Variants in RTEL1 observed in about 807,000 individuals in gnomAD.
The protein encoded by RTEL1 is regulator of telomere elongation helicase 1.
Under a neutral mutation model 162.2 loss-of-function variants are expected in RTEL1, and 86 were observed. The ratio of observed to expected loss-of-function variants is 0.53; its 90% CI spans 0.45 to 0.63. RTEL1 has a LOEUF of 0.63. Ranked by LOEUF, RTEL1 falls within the 30% of genes least tolerant of loss-of-function variation. The probability of loss-of-function intolerance (pLI) is 0.00; values close to 1 mark genes in which losing one functional copy is unlikely to be tolerated. For missense variants in RTEL1, 1,941 were observed against 1,750.2 expected, an observed-to-expected ratio of 1.11 and a Z score of -1.95; for synonymous variants, 958 against 717.9, an observed-to-expected ratio of 1.33 and a Z score of -5.35.
chr20:63,678,870 C>T (rs1451910543), intron 12 of RTEL1, among the ~76,000 whole-genome samples: 1 of 148,654 alleles, frequency 6.7e-6, no homozygotes, highest in East Asian at 2.0e-4. Flanking sequence ...CAGACTCTCC[C>T]ACGGAACAGC....
intron 14 of RTEL1, chr20:63,682,146 C>G: frequency 1.0e-6 from 1 of 985,476 alleles, no homozygotes; most frequent in Non-Finnish European, 1.2e-6. Flanking sequence ...GAAGTCTCCT[C>G]CACACTATGG....
rs1397041719 is a variant in RTEL1, at chr20:63,668,286, G to A, written c.699+733G>A. Among the ~76,000 whole-genome samples, 2 of 152,194 alleles carry A rather than the reference G, an allele frequency of 1.3e-5. No homozygotes were observed. Among genetic ancestry groups the A allele is most frequent in the African/African-American group, 2.4e-5 (1 of 41,432 alleles). On this transcript the variant is annotated intron_variant, in intron 8 of 34. Transcript: ENST00000360203. The surrounding 1 kb of genome is among the most constrained non-coding windows in gnomAD (Gnocchi z 4.3). ...GTTTGTGTGTTCACGTGACGATGGC[G>A]TGGTGACGTTTCCAGATCCCGTCGT...
intron 13 of RTEL1, among the ~76,000 whole-genome samples, 197 bp from the exon 14 acceptor site, chr20:63,680,467 G>A (rs932978566): frequency 6.6e-6 from 1 of 152,224 alleles, no homozygotes; most frequent in Non-Finnish European, 1.5e-5. Context: ...GTCCCTGCCT[G>A]GCTTCTCTCC....
At chr20:63,689,969 C>G in intron 24 of RTEL1, 104 bp downstream of exon 24, 3 of 1,553,234 alleles carry the variant, frequency 1.9e-6, no homozygotes, top group Non-Finnish European at 2.6e-6. Flanking sequence ...CCTCCAGAGC[C>G]TCTCCGGCTA....
At chr20:63,690,493 C>T (rs767039333) in intron 26 of RTEL1, 52 bp downstream of exon 26, 43 of 531,786 alleles carry the variant, frequency 8.1e-5, no homozygotes, top group African/African-American at 4.7e-4. Context: ...GAGCGGGCGG[C>T]GTGGGGCGGG....
chr20:63,690,485 G>A, intron 26 of RTEL1, 44 bp downstream of exon 26: 2 of 1,447,942 alleles, frequency 1.4e-6, no homozygotes, highest in Non-Finnish European at 1.8e-6. Flanking sequence ...GGGTGGCGGA[G>A]CGGGCGGCGT....
chr20:63,675,935 G>A (rs747941184), intron 10 of RTEL1, among the ~76,000 whole-genome samples: 3 of 152,216 alleles, frequency 2.0e-5, no homozygotes, highest in Non-Finnish European at 4.4e-5. Flanking sequence ...ACATCACCAC[G>A]GGGCCTTCTC....
Position 63,691,915 on chromosome 20 carries a change from G to A in RTEL1, c.2652+78G>A, listed in dbSNP as rs994514758. 55 of 1,186,616 alleles carry A rather than the reference G, an allele frequency of 4.6e-5. No homozygotes were observed. The East Asian group carries it at 5.4e-4, about 12-fold the overall frequency. The allele number at this position is 1,186,616 out of a possible 1,614,324, so 73.5% of individuals were successfully genotyped here. The stretch of plus-strand genomic sequence containing the variant: ...CGCAGCCGTGGGTGCCCCCAGCCAC[G>A]GCTGGTCCCGATGGGACCAGGGAAT... On this transcript the variant is annotated intron_variant, in intron 28 of 34. Coordinates refer to ENST00000360203, the MANE Select transcript of RTEL1 (RefSeq NM_001283009.2).
At chr20:63,664,835 G>A (rs553725364) in intron 6 of RTEL1, among the ~76,000 whole-genome samples, 1 of 152,228 alleles carries the variant, frequency 6.6e-6, no homozygotes, top group Non-Finnish European at 1.5e-5. Flanking sequence ...CCTGCGTCCT[G>A]TGAGGACTCT....
intron 24 of RTEL1, 77 bp downstream of exon 24, chr20:63,689,942 C>A: frequency 1.3e-6 from 2 of 1,554,868 alleles, no homozygotes; most frequent in Non-Finnish European, 1.7e-6. Flanking sequence ...TCTCCTTCCC[C>A]ACATGAGGCC....
At chr20:63,671,567 T>C (rs2090242184) in intron 8 of RTEL1, among the ~76,000 whole-genome samples, 1 of 151,140 alleles carries the variant, frequency 6.6e-6, no homozygotes, top group East Asian at 2.0e-4. Context: ...CTGCAAGCTC[T>C]GCCTCCTGGG....
chr20:63,694,278 G>GAGGCCTGGCCTCCCTAGCC, intron 30 of RTEL1, 94 bp from the exon 31 acceptor site: 1 of 1,110,724 alleles, frequency 9.0e-7, no homozygotes, highest in Middle Eastern at 2.0e-4. Flanking sequence ...TGAGGTGGGT[G>GAGGCCTGGCCTCCCTAGCC]AGGCCTGGCC....
In RTEL1 at chr20:63,690,884, CA is replaced by C; in HGVS notation, c.2494del (p.Arg832GlyfsTer72). On this transcript the variant is annotated frameshift_variant, in exon 27 of 35. Coordinates refer to ENST00000360203, the MANE Select transcript of RTEL1 (RefSeq NM_001283009.2). LOFTEE classifies it high-confidence loss of function. Reference sequence around the variant, plus strand: ...AGCCAGTTCCTGCCCGGCAGAGGCCCAGGGGGCTGCTGGCCGCCCTGGAGCA... The same window carrying C: ...AGCCAGTTCCTGCCCGGCAGAGGCCCGGGGGCTGCTGGCCGCCCTGGAGCA... ...QEPVPARQRP[R>X]GLLAALEHSE... 1 of 1,591,562 alleles carries C rather than the reference CA, an allele frequency of 6.3e-7. No homozygotes were observed. Among genetic ancestry groups the C allele is most frequent in the Non-Finnish European group, 8.5e-7 (1 of 1,170,114 alleles).
rs2146211298 is a variant in RTEL1 at position 63,678,316 on chromosome 20, G to A, written c.1007G>A (p.Gly336Glu). Reference sequence around the variant, plus strand: ...GCCATCGATGCTGTTGAGCTGCCTGGAGACGACAGCGGTGTCACCAAGCCA... The same window carrying A: ...GCCATCGATGCTGTTGAGCTGCCTGAAGACGACAGCGGTGTCACCAAGCCA... ...EGAIDAVELP[G>E]DDSGVTKPGS... The change falls in exon 12 of 35, where the codon GGA (glycine) becomes GAA (glutamate). Residue 336 changes from glycine (G) to glutamate (E), a missense_variant. Coordinates refer to ENST00000360203, the MANE Select transcript of RTEL1 (RefSeq NM_001283009.2). 1 of 1,613,078 alleles carries A rather than the reference G, an allele frequency of 6.2e-7. No homozygotes were observed. The highest frequency in any genetic ancestry group is 2.2e-5 in the East Asian group (1 of 44,878).
chr20:63,665,109 AGTGT>A (rs112246475), intron 6 of RTEL1: 9 of 153,478 alleles, frequency 5.9e-5, no homozygotes, highest in East Asian at 1.9e-4. Context: ...GGTGTGTGTG[AGTGT>A]GTGTGTGTGT....
In RTEL1 at chr20:63,690,177, C is replaced by T. The variant is rs146666432; in HGVS notation, c.2232C>T (p.Asp744=). 6.3e-5 allele frequency: 102 copies of T among 1,612,428 alleles called. No individual in the cohort carries two copies. The highest frequency in any genetic ancestry group is 1.5e-4 in the African/African-American group (11 of 74,920). Residue 744 remains aspartate (D), a synonymous_variant, in exon 25 of 35, where the codon GAC becomes GAT. Transcript: ENST00000360203. ...ACAACTTTGGCCATGTCATCCGAGA[C>T]GTGGCCCAGTTCTTCCGTGTTGCCG... is the stretch of plus-strand genomic sequence containing the variant. ...VYDNFGHVIR[D]VAQFFRVAER...
At chr20:63,659,947 C>T (rs1601079275) in intron 2 of RTEL1, among the ~76,000 whole-genome samples, 1 of 152,080 alleles carries the variant, frequency 6.6e-6, no homozygotes, top group African/African-American at 2.4e-5. Context: ...AGCAAGAAAA[C>T]GTGAGCAAAG....
At chr20:63,693,853 C>T (rs991458435) in intron 30 of RTEL1, among the ~76,000 whole-genome samples, 1 of 148,790 alleles carries the variant, frequency 6.7e-6, no homozygotes, top group East Asian at 2.0e-4. Flanking sequence ...TAAGCACAGC[C>T]CTGTCCAACT....
At chr20:63,694,184 C>T (rs543492655) in intron 30 of RTEL1, 188 bp from the exon 31 acceptor site, 2 of 611,442 alleles carry the variant, frequency 3.3e-6, no homozygotes, top group East Asian at 2.7e-5. Context: ...CGCCACTGTT[C>T]CAGCCCCCAT....
Sources: allele counts gnomAD v4.1 joint callset (sites outside exome capture counted in the v4.1 genomes callset), GRCh38; gene constraint gnomAD v4.1.1; non-coding constraint Gnocchi (gnomAD v3.1); transcripts MANE v1.5; gene names NCBI Gene and HGNC (gene_info 2026-07-23, HGNC 2026-07-21).